Variants in TRRAP observed in about 807,000 individuals in gnomAD.
The protein encoded by TRRAP is transformation/transcription domain-associated protein.
Under a neutral mutation model 438.8 loss-of-function variants are expected in TRRAP, and 41 were observed. The ratio of observed to expected loss-of-function variants is 0.09; its 90% CI spans 0.07 to 0.12. TRRAP has a LOEUF of 0.12. Ranked by LOEUF, TRRAP falls within the 10% of genes least tolerant of loss-of-function variation. The probability of loss-of-function intolerance (pLI) is 1.00; values close to 1 mark genes in which losing one functional copy is unlikely to be tolerated. For synonymous variants in TRRAP, 1,994 were observed against 1,962.9 expected, an observed-to-expected ratio of 1.02 and a Z score of -0.42; for missense variants, 3,122 against 5,055.1, an observed-to-expected ratio of 0.62 and a Z score of 11.60.
chr7:98,896,759 G>A (rs2116329859), intron 7 of TRRAP, among the ~76,000 whole-genome samples: 2 of 152,264 alleles, frequency 1.3e-5, no homozygotes, highest in Admixed American at 1.3e-4. Context: ...GGCATTTAAA[G>A]GATTTCAGTC....
intron 52 of TRRAP, 109 bp from the exon 53 acceptor site, chr7:98,971,690 C>G (rs1243562812): frequency 7.2e-7 from 1 of 1,381,322 alleles, no homozygotes; most frequent in Non-Finnish European, 9.8e-7. Flanking sequence ...TTCCAGGAAA[C>G]GAACACGAAT....
At chr7:98,953,988 T>A (rs1029273243) in intron 40 of TRRAP, among the ~76,000 whole-genome samples, 1 of 152,266 alleles carries the variant, frequency 6.6e-6, no homozygotes, top group Admixed American at 6.5e-5. Context: ...GTCCATTGCA[T>A]TCTGGCTTCT....
In TRRAP at chr7:99,011,637, C is replaced by T. The variant is rs1485733775; in HGVS notation, c.11337+102C>T. On this transcript the variant is annotated intron_variant, in intron 72 of 72. Coordinates refer to ENST00000456197, the MANE Select transcript of TRRAP (RefSeq NM_001375524.1). The surrounding 1 kb of genome is among the most constrained non-coding windows in gnomAD (Gnocchi z 7.1). Reference sequence around the variant, plus strand: ...CTGCTGATGTGCCTCACGGGCTCTGCGCTCTCCACAGTGGCCAGCACCCCT... The same window carrying T: ...CTGCTGATGTGCCTCACGGGCTCTGTGCTCTCCACAGTGGCCAGCACCCCT... 3.1e-5 allele frequency: 42 copies of T among 1,350,994 alleles called. No individual in the cohort carries two copies. The highest frequency in any genetic ancestry group is 4.6e-4 in the Middle Eastern group (2 of 4,392). The allele number at this position is 1,350,994 out of a possible 1,614,324, so 83.7% of individuals were successfully genotyped here.
chr7:98,902,926 AG>A (rs1459431885), intron 11 of TRRAP, among the ~76,000 whole-genome samples: 3 of 150,412 alleles, frequency 2.0e-5, no homozygotes, highest in African/African-American at 7.4e-5. Flanking sequence ...AAAAAAAAAA[AG>A]AAAATTAGGC....
At chr7:98,988,160 T>C (rs1158357645) in intron 62 of TRRAP, among the ~76,000 whole-genome samples, 1 of 152,184 alleles carries the variant, frequency 6.6e-6, no homozygotes, top group Admixed American at 6.5e-5. Flanking sequence ...TCCCTTGCTA[T>C]GTCTGGTACA....
At chr7:98,998,436 A>G (rs1210850683) in intron 67 of TRRAP, 1 of 155,292 alleles carries the variant, frequency 6.4e-6, no homozygotes, top group African/African-American at 2.4e-5. Flanking sequence ...AGGAAGAGTG[A>G]ATGAATAGTA....
At chr7:99,004,088 A>G (rs753689365) in intron 67 of TRRAP, 102 bp from the exon 68 acceptor site, 7 of 1,165,894 alleles carry the variant, frequency 6.0e-6, no homozygotes, top group African/African-American at 1.5e-5. Context: ...CAAACAAACA[A>G]AACATGTAAT....
rs563112085 is a variant in TRRAP, at chr7:98,885,368, C to T, written c.150+3344C>T. Among the ~76,000 whole-genome samples the T allele has an allele frequency of 3.0e-4, 46 of 152,060 alleles. No homozygotes were observed. In the South Asian group the frequency reaches 7.9e-3, roughly 26 times the overall value. On this transcript the variant is annotated intron_variant, in intron 3 of 72. Coordinates refer to ENST00000456197, the MANE Select transcript of TRRAP (RefSeq NM_001375524.1). ...AGGTGCTGGTATTACAGGTGTAACC[C>T]GCTGTGCCCAGCCAACATTTCTTTT...
rs781879785 is a variant in TRRAP at position 98,949,407 on chromosome 7, T to C, written c.4789-10T>C. ...GCTTAAAACGGCTTTTCTATTTGTT[T>C]TGCTTTCAGAGTTTTTTAAAACACA... On this transcript the variant is annotated splice_polypyrimidine_tract_variant and intron_variant, in intron 35 of 72. Coordinates refer to ENST00000456197, the MANE Select transcript of TRRAP (RefSeq NM_001375524.1). 2.0e-6 allele frequency: 3 copies of C among 1,520,030 alleles called. No homozygotes were observed. In the East Asian group the frequency reaches 7.0e-5, roughly 36 times the overall value. 94.2% of individuals were successfully genotyped at this position (1,520,030 alleles called of 1,614,324 possible). A position where few individuals can be genotyped will look rare whatever the true frequency, so the allele number is the denominator to read the frequency against.
At chr7:98,947,967 C>T (rs1028513248) in intron 33 of TRRAP, among the ~76,000 whole-genome samples, 3 of 152,166 alleles carry the variant, frequency 2.0e-5, no homozygotes, top group Non-Finnish European at 2.9e-5. Flanking sequence ...ACGATCACAT[C>T]GGGTGTACAC....
chr7:98,981,803 A>C lies in TRRAP; in HGVS notation c.8669A>C (p.Lys2890Thr). ...AGCTGTCCGAAGGAGATGGCCTGGA[A>C]GGTGAACATGTACCGCGGATACCTG... is the stretch of plus-strand genomic sequence containing the variant. ...EVSCPKEMAW[K>T]VNMYRGYLAI... Residue 2890 changes from lysine (K) to threonine (T), a missense_variant, in exon 59 of 73, where the codon AAG becomes ACG. Coordinates refer to ENST00000456197, the MANE Select transcript of TRRAP (RefSeq NM_001375524.1). 6.2e-7 allele frequency: 1 copy of C among 1,606,860 alleles called. No homozygotes were observed. Among genetic ancestry groups the C allele is most frequent in the Non-Finnish European group, 8.5e-7 (1 of 1,177,086 alleles).
intron 67 of TRRAP, among the ~76,000 whole-genome samples, chr7:98,996,242 C>T (rs1793657608): frequency 6.6e-6 from 1 of 152,068 alleles, no homozygotes. Flanking sequence ...TGTGCACACC[C>T]ACATCCACCG....
chr7:98,924,375 T>G (rs1333219618), intron 21 of TRRAP, among the ~76,000 whole-genome samples: 1 of 152,244 alleles, frequency 6.6e-6, no homozygotes, highest in Non-Finnish European at 1.5e-5. Flanking sequence ...CTGTAAAGTG[T>G]GTACCCACTG....
At chr7:98,895,906 A>G (rs1796177120) in intron 7 of TRRAP, 86 bp downstream of exon 7, 1 of 1,092,510 alleles carries the variant, frequency 9.2e-7, no homozygotes, top group African/African-American at 1.6e-5. Flanking sequence ...GGTTGCAGAA[A>G]TAGTGTGTGG....
At chr7:98,888,731 C>G (rs1380928526) in intron 3 of TRRAP, among the ~76,000 whole-genome samples, 5 of 152,182 alleles carry the variant, frequency 3.3e-5, no homozygotes, top group East Asian at 1.9e-4. Context: ...AATGTCACTT[C>G]AGGAAGGTGT....
rs11978484 is a variant in TRRAP, at chr7:98,883,217, G to T, written c.150+1193G>T. 5.5e-3 allele frequency among the ~76,000 whole-genome samples: 831 copies of T among 152,100 alleles called. 3 individuals are homozygous for T. The highest frequency in any genetic ancestry group is 0.018 in the African/African-American group (735 of 41,504). ...GATTGGATAATTTCTGATCTTCTGAGAATTTTTTTATTATCTGCAACTTGC... is the reference window on the plus strand; with the variant it reads ...GATTGGATAATTTCTGATCTTCTGATAATTTTTTTATTATCTGCAACTTGC... On this transcript the variant is annotated intron_variant, in intron 3 of 72. Transcript: ENST00000456197.
chr7:98,930,663 G>A lies in TRRAP; in HGVS notation c.3424G>A (p.Val1142Met), dbSNP rs1554412648. ...CCAGCTGCCCCTGTTTTCTTACATC[G>A]TGGAGCGCCTGTGTGCATGTTGTTA... ...ACQLPLFSYIVERLCACCYEQ... is the reference protein window; with the variant it reads ...ACQLPLFSYIMERLCACCYEQ... The change falls in exon 25 of 73, where the codon GTG (valine) becomes ATG (methionine). Residue 1142 changes from valine (V) to methionine (M), a missense_variant. Around this residue, in one of 24 missense-constraint regions of TRRAP, gnomAD observed 153 missense variants for 223.0 expected, o/e 0.69. Coordinates refer to ENST00000456197, the MANE Select transcript of TRRAP (RefSeq NM_001375524.1). The A allele has an allele frequency of 1.2e-6, 2 of 1,614,042 alleles. No homozygotes were observed. Among genetic ancestry groups the A allele is most frequent in the Non-Finnish European group, 8.5e-7 (1 of 1,180,040 alleles).
chr7:98,921,978 C>T (rs375990332), intron 21 of TRRAP, 25 bp downstream of exon 21: 34 of 1,613,830 alleles, frequency 2.1e-5, no homozygotes, highest in Middle Eastern at 1.6e-4. Flanking sequence ...AATGTCGTTT[C>T]GTTTTAAGCC....
At chr7:98,936,258 C>A (rs1411979502) in intron 28 of TRRAP, among the ~76,000 whole-genome samples, 2 of 152,106 alleles carry the variant, frequency 1.3e-5, no homozygotes, top group African/African-American at 4.8e-5. Flanking sequence ...AACATATTTC[C>A]AGAATCTTTC....
Sources: gnomAD v4.1 joint callset for allele counts (sites outside exome capture counted in the v4.1 genomes callset) on GRCh38, gnomAD v4.1.1 for gene constraint, gnomAD v4.1.1 regional missense constraint, Gnocchi (gnomAD v3.1) non-coding constraint, MANE v1.5 for transcripts, NCBI Gene and HGNC (gene_info 2026-07-23, HGNC 2026-07-21) for gene names.